DARS1: variants seen among roughly 807,000 people sequenced by gnomAD.
DARS1 encodes the protein aspartyl-tRNA synthetase 1, also known as aspartate--tRNA ligase, cytoplasmic.
A neutral mutation model predicts 68.8 loss-of-function variants in DARS1; 51 were observed. The ratio of observed to expected loss-of-function variants is 0.74; its 90% CI spans 0.59 to 0.94. The LOEUF (loss-of-function observed/expected upper bound fraction) is 0.94. Among genes scored for constraint, DARS1 ranks in the 40% least tolerant of loss-of-function variants. The pLI is 0.00. For synonymous variants in DARS1, 203 were observed against 190.4 expected (o/e 1.07, Z -0.55); for missense variants, 607 against 597.3 (o/e 1.02, Z -0.17).
chr2:135,943,013 G>A (rs930620829), intron 5 of DARS1, among the ~76,000 whole-genome samples: 1 of 152,118 alleles, frequency 6.6e-6, no homozygotes, highest in African/African-American at 2.4e-5. Context: ...TTAGGGTTTC[G>A]CACTCTTGCC....
intron 4 of DARS1, among the ~76,000 whole-genome samples, chr2:135,949,371 C>A (rs1433451990): frequency 6.6e-6 from 1 of 151,910 alleles, no homozygotes; most frequent in Admixed American, 6.6e-5. Context: ...AACACTTAAC[C>A]AAAACTAACA....
intron 4 of DARS1, among the ~76,000 whole-genome samples, chr2:135,954,805 G>T (rs911948240): frequency 3.3e-5 from 5 of 152,078 alleles, no homozygotes; most frequent in African/African-American, 1.2e-4. Context: ...TGCTACAGAG[G>T]TCGAGGAAGA....
intron 4 of DARS1, among the ~76,000 whole-genome samples, chr2:135,950,668 G>A (rs747720240): frequency 7.2e-5 from 11 of 152,168 alleles, no homozygotes; most frequent in Non-Finnish European, 1.6e-4. Context: ...GAAACTAAGA[G>A]ATAAAGAGGA....
chr2:135,919,345 TAAAC>T (rs1203783558), intron 10 of DARS1, among the ~76,000 whole-genome samples: 1 of 152,190 alleles, frequency 6.6e-6, no homozygotes, highest in African/African-American at 2.4e-5. Context: ...TCTACATTCT[TAAAC>T]ATACTCATTA....
chr2:135,917,596 C>T (rs1681032805), intron 10 of DARS1, among the ~76,000 whole-genome samples: 1 of 152,038 alleles, frequency 6.6e-6, no homozygotes. Context: ...CCACCTGAAG[C>T]CTCCTGAGTA....
At chr2:135,951,471 T>C (rs775454719) in intron 4 of DARS1, among the ~76,000 whole-genome samples, 13 of 152,270 alleles carry the variant, frequency 8.5e-5, no homozygotes, top group Admixed American at 2.0e-4. Context: ...ATTCATGTTT[T>C]ATCCATTCAC....
intron 1 of DARS1, chr2:135,985,184 G>C (rs1258124334): frequency 5.9e-6 from 4 of 680,168 alleles, no homozygotes; most frequent in Admixed American, 3.1e-5. Flanking sequence ...CACGCTTCTA[G>C]TAGGCCAAAC....
In DARS1 at chr2:135,906,661, AAAGTT is replaced by A. The variant is rs1475164522; in HGVS notation, c.*650_*654del. 1 of 152,230 alleles carries A rather than the reference AAAGTT, an allele frequency of 6.6e-6. No homozygotes were observed. The highest frequency in any genetic ancestry group is 2.4e-5 in the African/African-American group (1 of 41,468). 9.4% of individuals were successfully genotyped at this position (152,230 alleles called of 1,614,324 possible). ...ACCACTTACAAAATCAGTTGGCCACAAAGTTACACAAAAACTACAATTAGCTTTAA... is the reference window on the plus strand; with the variant it reads ...ACCACTTACAAAATCAGTTGGCCACAACACAAAAACTACAATTAGCTTTAA... On this transcript the variant is annotated 3_prime_UTR_variant, in exon 16 of 16. Coordinates refer to ENST00000264161, the MANE Select transcript of DARS1 (RefSeq NM_001349.4).
chr2:135,984,400 G>A (rs1043688078), intron 1 of DARS1, among the ~76,000 whole-genome samples: 13 of 152,138 alleles, frequency 8.5e-5, no homozygotes, highest in Non-Finnish European at 1.6e-4. Context: ...GCTACCTGTT[G>A]GAATCCTCTC....
chr2:135,947,426 AAG>A (rs1306853843), intron 4 of DARS1, among the ~76,000 whole-genome samples: 6 of 151,802 alleles, frequency 4.0e-5, no homozygotes, highest in African/African-American at 1.4e-4. Flanking sequence ...AAAAAAAAGA[AAG>A]AAAGAAAAAA....
intron 3 of DARS1, among the ~76,000 whole-genome samples, chr2:135,975,687 G>A (rs1186859068): frequency 2.0e-5 from 3 of 150,344 alleles, no homozygotes; most frequent in Non-Finnish European, 4.4e-5. Flanking sequence ...CCTAGCTAAG[G>A]AGGCTGCAGT....
At chr2:135,917,324 G>A (rs1558778077) in intron 10 of DARS1, among the ~76,000 whole-genome samples, 1 of 152,004 alleles carries the variant, frequency 6.6e-6, no homozygotes, top group Non-Finnish European at 1.5e-5. Flanking sequence ...GTTCATGGGG[G>A]CTCATTAGAC....
intron 7 of DARS1, among the ~76,000 whole-genome samples, chr2:135,931,089 C>T (rs1263895508): frequency 6.6e-6 from 1 of 152,142 alleles, no homozygotes; most frequent in Non-Finnish European, 1.5e-5. Flanking sequence ...AAAAGTCAGG[C>T]TACACTAGAA....
Position 135,912,537 on chromosome 2 carries a change from T to A in DARS1, c.1179A>T (p.Lys393Asn). The A allele has an allele frequency of 9.6e-7, 1 of 1,040,168 alleles. No homozygotes were observed. The highest frequency in any genetic ancestry group is 1.5e-6 in the Non-Finnish European group (1 of 671,208). 64.4% of individuals were successfully genotyped at this position (1,040,168 alleles called of 1,614,324 possible). Residue 393 changes from lysine to asparagine, a missense_variant, in exon 13 of 16, where the codon AAA (lysine) becomes AAT (asparagine). By Grantham distance (94) the Lys-to-Asn change is moderately conservative. Coordinates refer to ENST00000264161, the MANE Select transcript of DARS1 (RefSeq NM_001349.4). ...KYDTDFYILD[K>N]YPLAVRPFYT... Reference sequence around the variant, plus strand: ...AGAAAGGTCTTACAGCCAATGGATATTTATCAAGAATATAAAAATCTGTAT... The same window carrying A: ...AGAAAGGTCTTACAGCCAATGGATAATTATCAAGAATATAAAAATCTGTAT...
In DARS1 at chr2:135,985,419, A is replaced by T. The variant is rs761681237; in HGVS notation, c.50T>A (p.Ile17Asn). ...SRKSQEKPREIMDAAEDYAKE... is the reference protein window; with the variant it reads ...SRKSQEKPRENMDAAEDYAKE... ...GAAACCCACTTCCGCCGCGTCCATG[A>T]TCTCCCGCGGCTTCTCCTGACTCTT... is the stretch of plus-strand genomic sequence containing the variant. Residue 17 changes from isoleucine to asparagine, a missense_variant, in exon 1 of 16, where the codon ATC becomes AAC. Coordinates refer to ENST00000264161, the MANE Select transcript of DARS1 (RefSeq NM_001349.4). 1.2e-6 allele frequency: 2 copies of T among 1,613,820 alleles called. No individual in the cohort carries two copies. The highest frequency in any genetic ancestry group is 2.2e-5 in the East Asian group (1 of 44,864).
intron 3 of DARS1, among the ~76,000 whole-genome samples, chr2:135,970,440 T>C (rs1682345530): frequency 6.6e-6 from 1 of 151,714 alleles, no homozygotes; most frequent in African/African-American, 2.4e-5. Flanking sequence ...TTGAAACAAA[T>C]GATAATGGAA....
chr2:135,919,297 C>T (rs1056995974), intron 10 of DARS1, among the ~76,000 whole-genome samples: 1 of 152,214 alleles, frequency 6.6e-6, no homozygotes, highest in African/African-American at 2.4e-5. Context: ...TCCCAAAGTG[C>T]TGGGATTACA....
At chr2:135,979,675 T>C (rs1161408991) in intron 2 of DARS1, among the ~76,000 whole-genome samples, 1 of 152,232 alleles carries the variant, frequency 6.6e-6, no homozygotes, top group African/African-American at 2.4e-5. Flanking sequence ...GCAATCCCTG[T>C]GTCCCCTTCT....
chr2:135,985,299 C>A (rs894103892), intron 1 of DARS1, 104 bp downstream of exon 1: 1 of 1,464,736 alleles, frequency 6.8e-7, no homozygotes, highest in African/African-American at 1.4e-5. Context: ...CTGCGGAGAA[C>A]GTGCCGACAA....
Sources: allele counts gnomAD v4.1 joint callset (sites outside exome capture counted in the v4.1 genomes callset), GRCh38; gene constraint gnomAD v4.1.1; transcripts MANE v1.5; gene names NCBI Gene and HGNC (gene_info 2026-07-23, HGNC 2026-07-21).